Variants in CSMD3 observed in about 807,000 individuals in gnomAD.
CSMD3 encodes CUB and Sushi multiple domains 3.
In CSMD3, 177 loss-of-function variants were observed where a neutral mutation model predicts 435.2. The ratio of observed to expected loss-of-function variants is 0.41; its 90% CI spans 0.36 to 0.46. The LOEUF is 0.46. Among genes scored for constraint, CSMD3 ranks in the 20% least tolerant of loss-of-function variants. CSMD3 has a pLI of 0.34. For missense variants in CSMD3, 4,265 were observed against 4,504.6 expected, an observed-to-expected ratio of 0.95 and a Z score of 1.52; for synonymous variants, 1,656 against 1,520.5, an observed-to-expected ratio of 1.09 and a Z score of -2.07.
intron 13 of CSMD3, among the ~76,000 whole-genome samples, chr8:112,735,233 A>G (rs1027678289): frequency 1.3e-5 from 2 of 152,062 alleles, no homozygotes; most frequent in African/African-American, 4.8e-5. Context: ...TGGTTATTTA[A>G]TGACTATTGA....
intron 2 of CSMD3, among the ~76,000 whole-genome samples, chr8:113,279,544 A>C (rs567486698): frequency 6.6e-6 from 1 of 151,900 alleles, no homozygotes; most frequent in Non-Finnish European, 1.5e-5. Flanking sequence ...AACATTGTGA[A>C]GAATTGTTCA....
chr8:112,494,494 C>CT (rs377610586), intron 30 of CSMD3, among the ~76,000 whole-genome samples: 3 of 40,174 alleles, frequency 7.5e-5, no homozygotes, highest in South Asian at 6.7e-4. Flanking sequence ...TTCTTTCTCT[C>CT]CTTTCTTTCT....
intron 24 of CSMD3, among the ~76,000 whole-genome samples, chr8:112,565,491 A>G (rs17570347): frequency 0.17 from 26,477 of 152,102 alleles, 2,751 homozygotes; most frequent in Middle Eastern, 0.35. Flanking sequence ...CCCATCTTTA[A>G]TTTGAATATA....
At chr8:112,941,943 A>T (rs1439526080) in intron 9 of CSMD3, among the ~76,000 whole-genome samples, 1 of 151,308 alleles carries the variant, frequency 6.6e-6, no homozygotes, top group Admixed American at 6.6e-5. Flanking sequence ...ATGAATCAAC[A>T]TTAAAATATT....
At chr8:112,973,939 T>A (rs1344351012) in intron 7 of CSMD3, among the ~76,000 whole-genome samples, 4 of 151,912 alleles carry the variant, frequency 2.6e-5, no homozygotes, top group Non-Finnish European at 4.4e-5. Flanking sequence ...CATATAATGT[T>A]TTACATCTAC....
chr8:112,656,033 T>A (rs775073979), intron 18 of CSMD3, 121 bp downstream of exon 18: 40 of 632,746 alleles, frequency 6.3e-5, no homozygotes, highest in Non-Finnish European at 1.1e-4. Context: ...AACATTCTTA[T>A]AGATGAAGGA....
chr8:112,527,050 A>G (rs574308466), intron 27 of CSMD3, among the ~76,000 whole-genome samples: 2 of 152,050 alleles, frequency 1.3e-5, no homozygotes, highest in East Asian at 3.9e-4. Context: ...GTAACAATTA[A>G]CAGGTGGATT....
intron 40 of CSMD3, among the ~76,000 whole-genome samples, chr8:112,346,553 G>C (rs1825686350): frequency 6.7e-6 from 1 of 150,220 alleles, no homozygotes; most frequent in Non-Finnish European, 1.5e-5. Flanking sequence ...AGTAGTCCTA[G>C]AAATGTTTTG....
At chr8:112,516,922 A>G in intron 28 of CSMD3, 112 bp downstream of exon 28, 1 of 805,864 alleles carries the variant, frequency 1.2e-6, no homozygotes, top group Non-Finnish European at 2.0e-6. Context: ...ATCCTCTGAA[A>G]TCTTAGACTC....
chr8:112,356,871 C>G (rs1007761321), intron 38 of CSMD3, among the ~76,000 whole-genome samples: 8 of 152,170 alleles, frequency 5.3e-5, no homozygotes, highest in Middle Eastern at 3.4e-3. Context: ...AACTGCAAGT[C>G]CAATTAAACC....
intron 4 of CSMD3, among the ~76,000 whole-genome samples, chr8:113,160,943 C>A (rs995992063): frequency 6.6e-6 from 1 of 151,802 alleles, no homozygotes; most frequent in Non-Finnish European, 1.5e-5. Flanking sequence ...TACAACATGC[C>A]CTGAAGGTGC....
chr8:113,379,312 T>G (rs1167065419), intron 1 of CSMD3, among the ~76,000 whole-genome samples: 2 of 152,106 alleles, frequency 1.3e-5, no homozygotes, highest in African/African-American at 4.8e-5. Context: ...ACACACACAT[T>G]CTGAGTATTT....
intron 4 of CSMD3, among the ~76,000 whole-genome samples, chr8:113,144,182 T>A (rs2091617214): frequency 6.6e-6 from 1 of 151,302 alleles, no homozygotes; most frequent in South Asian, 2.1e-4. Context: ...TACATTTTTG[T>A]ATATTATGAG....
intron 1 of CSMD3, among the ~76,000 whole-genome samples, chr8:113,372,955 A>T (rs2094356289): frequency 1.3e-5 from 2 of 151,402 alleles, no homozygotes; most frequent in African/African-American, 4.8e-5. Flanking sequence ...AAAAAAAAAA[A>T]GAAAGAAAAG....
At chr8:113,407,253 G>A (rs1745772769) in intron 1 of CSMD3, among the ~76,000 whole-genome samples, 1 of 152,104 alleles carries the variant, frequency 6.6e-6, no homozygotes, top group African/African-American at 2.4e-5. Context: ...CTCAAAGGTA[G>A]GAAATATGTC....
chr8:112,573,248 G>A (rs1829678915), intron 24 of CSMD3, among the ~76,000 whole-genome samples: 1 of 152,022 alleles, frequency 6.6e-6, no homozygotes. Context: ...AACTACCTAA[G>A]TAAATAAACC....
At chr8:113,201,749 AG>A (rs925468953) in intron 3 of CSMD3, among the ~76,000 whole-genome samples, 8 of 152,112 alleles carry the variant, frequency 5.3e-5, no homozygotes, top group Non-Finnish European at 1.0e-4. Flanking sequence ...CCTTTAGAGC[AG>A]GAAGTTTATT....
intron 1 of CSMD3, among the ~76,000 whole-genome samples, chr8:113,425,223 C>T (rs1719828297): frequency 6.6e-6 from 1 of 151,464 alleles, no homozygotes; most frequent in Non-Finnish European, 1.5e-5. Flanking sequence ...ATAATATTCA[C>T]TTCAAAATAA....
chr8:112,960,563 G>T (rs923027182), intron 7 of CSMD3, among the ~76,000 whole-genome samples: 1 of 151,462 alleles, frequency 6.6e-6, no homozygotes, highest in African/African-American at 2.4e-5. Context: ...GAATCTTTGT[G>T]AAAAATATTT....
Sources: allele counts gnomAD v4.1 joint callset (sites outside exome capture counted in the v4.1 genomes callset), GRCh38; gene constraint gnomAD v4.1.1; transcripts MANE v1.5; gene names NCBI Gene and HGNC (gene_info 2026-07-23, HGNC 2026-07-21).